The following DDHD2 variants were observed in gnomAD, a reference collection of about 807,000 sequenced individuals.
DDHD2 encodes the protein DDHD domain containing 2, also known as triacylglycerol hydrolase DDHD2.
DDHD2 carries 62 observed loss-of-function variants against 91.2 expected under a neutral mutation model. That is an observed-to-expected ratio of 0.68 (90% CI 0.55 to 0.84). The LOEUF is 0.84. Ranked by LOEUF, DDHD2 falls within the 40% of genes least tolerant of loss-of-function variation. The pLI, the probability that DDHD2 is intolerant of heterozygous loss-of-function variation, is 0.00. For missense variants in DDHD2, 740 were observed against 846.9 expected (o/e 0.87, Z 1.57); for synonymous variants, 271 against 293.9 (o/e 0.92, Z 0.80).
intron 10 of DDHD2, among the ~76,000 whole-genome samples, chr8:38,248,747 C>A (rs1236894470): frequency 6.6e-6 from 1 of 151,716 alleles, no homozygotes; most frequent in African/African-American, 2.4e-5. Flanking sequence ...GAGTTCGAGA[C>A]CAATCTAGTC....
intron 1 of DDHD2, among the ~76,000 whole-genome samples, chr8:38,232,337 C>T (rs1804340127): frequency 1.3e-5 from 2 of 152,360 alleles, no homozygotes; most frequent in African/African-American, 2.4e-5. Context: ...AGAGCCGCCT[C>T]TGCGGGAGGA....
At chr8:38,264,004 A>G, downstream of DDHD2, 2 of 986,160 alleles carry the variant, frequency 2.0e-6, no homozygotes, top group Non-Finnish European at 2.4e-6. Context: ...GCAGGGGCAA[A>G]AGTGTGTAAT....
chr8:38,243,827 G>A (rs893730737), intron 7 of DDHD2, among the ~76,000 whole-genome samples: 1 of 144,536 alleles, frequency 6.9e-6, no homozygotes, highest in African/African-American at 2.6e-5. Flanking sequence ...TTTTTTTTGA[G>A]ATGGAGTTTT....
At chr8:38,236,077 A>G (rs931538728) in intron 3 of DDHD2, among the ~76,000 whole-genome samples, 3 of 152,144 alleles carry the variant, frequency 2.0e-5, no homozygotes, top group Admixed American at 6.5e-5. Flanking sequence ...CAGTGGCACG[A>G]TCTTGGCTCA....
intron 5 of DDHD2, among the ~76,000 whole-genome samples, chr8:38,239,567 G>A (rs1318331995): frequency 1.3e-5 from 2 of 148,206 alleles, no homozygotes; most frequent in Non-Finnish European, 3.0e-5. Flanking sequence ...TGTGCGTGTA[G>A]TCCCAACTAC....
chr8:38,256,951 TCTCA>T (rs1437313818), intron 16 of DDHD2, among the ~76,000 whole-genome samples: 2 of 152,234 alleles, frequency 1.3e-5, no homozygotes, highest in African/African-American at 4.8e-5. Flanking sequence ...TGTGAGGCAG[TCTCA>T]CTCTATCACC....
At chr8:38,265,233 T>C (rs1807404576), downstream of DDHD2, among the ~76,000 whole-genome samples, 2 of 131,172 alleles carry the variant, frequency 1.5e-5, no homozygotes, top group East Asian at 4.7e-4. Flanking sequence ...GCCACTGCAC[T>C]CCAGCCTGGG....
chr8:38,242,516 T>C (rs1347295391), intron 7 of DDHD2, 131 bp downstream of exon 7: 5 of 960,198 alleles, frequency 5.2e-6, no homozygotes, highest in South Asian at 1.7e-5. Flanking sequence ...TATTAAATGC[T>C]GATCAGTCCC....
chr8:38,253,414 T>C (rs979711354), intron 15 of DDHD2, 142 bp from the exon 16 acceptor site: 35 of 816,502 alleles, frequency 4.3e-5, no homozygotes, highest in Middle Eastern at 2.7e-4. Flanking sequence ...TTGAAGGAGA[T>C]TGAGAGGAGG....
chr8:38,249,605 G>C (rs1585742327), intron 10 of DDHD2, 103 bp from the exon 11 acceptor site: 2 of 595,312 alleles, frequency 3.4e-6, no homozygotes, highest in Non-Finnish European at 5.8e-6. Context: ...TTTACTACTA[G>C]AGAGACAGGC....
intron 3 of DDHD2, among the ~76,000 whole-genome samples, chr8:38,236,940 C>T (rs1314813208): frequency 4.6e-5 from 7 of 151,954 alleles, no homozygotes; most frequent in African/African-American, 1.4e-4. Flanking sequence ...ATTGTGATTA[C>T]AGGCATGAGC....
At chr8:38,240,082 A>G (rs1162660382) in intron 5 of DDHD2, among the ~76,000 whole-genome samples, 193 bp from the exon 6 acceptor site, 1 of 152,142 alleles carries the variant, frequency 6.6e-6, no homozygotes, top group Non-Finnish European at 1.5e-5. Context: ...AATTTTACAG[A>G]CTTATTTCAA....
intron 17 of DDHD2, 170 bp downstream of exon 17, chr8:38,260,317 CA>C (rs1346908022): frequency 2.1e-6 from 1 of 481,608 alleles, no homozygotes; most frequent in Non-Finnish European, 3.7e-6. Context: ...GAAAAAAACA[CA>C]GTAGCCCATT....
chr8:38,268,741 G>A (rs2130954520), intron 1 of DDHD2: 2 of 1,433,614 alleles, frequency 1.4e-6, no homozygotes, highest in South Asian at 1.5e-5. Context: ...AAACACTCGA[G>A]CCCTAGGAGG....
rs1198200545 is a variant in DDHD2, at chr8:38,251,924, C to G, written c.1357C>G (p.Pro453Ala). ...TTTTATTCTTTAGGGTATTAAGAGA[C>G]CAGCCCCGCAGCCTGCTTCAGGGGC... is the stretch of plus-strand genomic sequence containing the variant. ...TRKNSMGIKR[P>A]APQPASGANI... The change falls in exon 12 of 18, where the codon CCA (proline) becomes GCA (alanine). Residue 453 changes from proline to alanine, a missense_variant. Transcript: ENST00000397166. The G allele has an allele frequency of 6.2e-7, 1 of 1,613,254 alleles. No homozygotes were observed. The highest frequency in any genetic ancestry group is 8.5e-7 in the Non-Finnish European group (1 of 1,179,342).
chr8:38,244,682 C>T (rs1313603014), intron 7 of DDHD2, among the ~76,000 whole-genome samples: 2 of 152,164 alleles, frequency 1.3e-5, no homozygotes, highest in Admixed American at 1.3e-4. Context: ...TCTCCTGCCT[C>T]AGCCTCCCAA....
In DDHD2 at chr8:38,233,159, A is replaced by G. The variant is rs746020888; in HGVS notation, c.165A>G (p.Thr55=). ...GTAAGATAATAGATTCTAAGGAGAC[A>G]TGGATTCCTTTCAACTCTGAGGATT... ...FYCKIIDSKE[T]WIPFNSEDSQ... is the part of the protein sequence containing the mutation. Residue 55 remains threonine, a synonymous_variant, in exon 2 of 18, where the codon ACA becomes ACG. Coordinates refer to ENST00000397166, the MANE Select transcript of DDHD2 (RefSeq NM_015214.3). The G allele has an allele frequency of 3.1e-6, 5 of 1,614,180 alleles. No homozygotes were observed. The highest frequency in any genetic ancestry group is 1.7e-5 in the Admixed American group (1 of 60,028).
Position 38,232,969 on chromosome 8 carries a change from GTTTTC to G in DDHD2, c.-8-13_-8-9del, listed in dbSNP as rs776821835. ...CACAGTTAAGTTCGTTTTCCTGATA[GTTTTC>G]TTTTGTCTTTAGAGAGCGAAATGTC... On this transcript the variant is annotated splice_polypyrimidine_tract_variant and intron_variant, in intron 1 of 17. Transcript: ENST00000397166. 5.0e-6 allele frequency: 8 copies of G among 1,602,224 alleles called. No individual in the cohort carries two copies. Among genetic ancestry groups the G allele is most frequent in the African/African-American group, 1.3e-5 (1 of 74,452 alleles).
At chr8:38,233,438 A>G (rs945416750) in intron 2 of DDHD2, among the ~76,000 whole-genome samples, 2 of 152,086 alleles carry the variant, frequency 1.3e-5, no homozygotes, top group South Asian at 2.1e-4. Flanking sequence ...TTATTTCTGC[A>G]TAGTTACCCA....
Sources: gnomAD v4.1 joint callset for allele counts (sites outside exome capture counted in the v4.1 genomes callset) on GRCh38, gnomAD v4.1.1 for gene constraint, MANE v1.5 for transcripts, NCBI Gene and HGNC (gene_info 2026-07-23, HGNC 2026-07-21) for gene names.